DEFB131A: variants seen among roughly 807,000 people sequenced by gnomAD.
DEFB131A encodes the protein beta-defensin 131A.
Under a neutral mutation model 2.4 loss-of-function variants are expected in DEFB131A, and 5 were observed. The ratio of observed to expected loss-of-function variants is 2.12; its 90% confidence interval spans 1.11 to 4.47. DEFB131A has a LOEUF of 4.47. Among genes scored for constraint, DEFB131A ranks in the 30% most tolerant of loss-of-function variants. The pLI is 0.00. For missense variants in DEFB131A, 120 were observed against 79.9 expected, an observed-to-expected ratio of 1.50 and a Z score of -1.91; for synonymous variants, 34 against 25.7, an observed-to-expected ratio of 1.32 and a Z score of -0.97.
chr4:9,445,310 A>C (rs1172734650), intron 1 of DEFB131A, among the ~76,000 whole-genome samples: 1 of 152,014 alleles, frequency 6.6e-6, no homozygotes, highest in Non-Finnish European at 1.5e-5. Context: ...TGTTCCTTTA[A>C]AGTTGAATAA....
At chr4:9,445,122 G>A (rs1485006181) in intron 1 of DEFB131A, among the ~76,000 whole-genome samples, 3 of 152,120 alleles carry the variant, frequency 2.0e-5, no homozygotes, top group Non-Finnish European at 2.9e-5. Flanking sequence ...TGAGAGTTAT[G>A]TTTGATCAAA....
rs775754854 is a variant in DEFB131A, at chr4:9,450,443, A to G, written c.142A>G (p.Arg48Gly). 38 of 1,610,858 alleles carry G rather than the reference A, an allele frequency of 2.4e-5. No individual in the cohort carries two copies. The highest frequency in any genetic ancestry group is 3.1e-5 in the Non-Finnish European group (37 of 1,179,222). ...LKCNADEHAI[R>G]YCADFSICCK... ...GTGCAATGCTGATGAACATGCAATT[A>G]GATACTGTGCTGACTTCAGCATCTG... Residue 48 changes from arginine (R) to glycine (G), a missense_variant, in exon 2 of 2, where the codon AGA becomes GGA. Arg to Gly is a moderately radical substitution (Grantham distance 125). Coordinates refer to ENST00000334879, the MANE Select transcript of DEFB131A (RefSeq NM_001040448.3).
chr4:9,444,439 A>G lies in DEFB131A; in HGVS notation c.-95A>G. On this transcript the variant is annotated 5_prime_UTR_variant, in exon 1 of 2. Coordinates refer to ENST00000334879, the MANE Select transcript of DEFB131A (RefSeq NM_001040448.3). The stretch of plus-strand genomic sequence containing the variant: ...CTTGCTCCTGAAAGGTTCAATAATC[A>G]CTCAACAACTCACCTCTTCAGAGAA... 7.2e-7 allele frequency: 1 copy of G among 1,393,274 alleles called. No individual in the cohort carries two copies. The highest frequency in any genetic ancestry group is 9.9e-7 in the Non-Finnish European group (1 of 1,006,156). 86.3% of individuals were successfully genotyped at this position (1,393,274 alleles called of 1,614,324 possible). A position where few individuals can be genotyped will look rare whatever the true frequency, so the allele number is the denominator to read the frequency against.
intron 1 of DEFB131A, among the ~76,000 whole-genome samples, chr4:9,448,373 C>A (rs779188530): frequency 2.0e-5 from 3 of 151,878 alleles, no homozygotes; most frequent in Non-Finnish European, 4.4e-5. Context: ...TTTTTTTAGA[C>A]AGTCTCACTT....
intron 1 of DEFB131A, among the ~76,000 whole-genome samples, chr4:9,448,170 C>CA (rs60855138): frequency 3.5e-5 from 5 of 144,290 alleles, no homozygotes; most frequent in African/African-American, 7.6e-5. Context: ...AAATCAAAGA[C>CA]AAAAAAAAAA....
chr4:9,445,146 A>T (rs942943368), intron 1 of DEFB131A, among the ~76,000 whole-genome samples: 1 of 152,108 alleles, frequency 6.6e-6, no homozygotes, highest in African/African-American at 2.4e-5. Flanking sequence ...TGGTGAGAGG[A>T]TACACACAGA....
chr4:9,450,173 C>T (rs539534412), intron 1 of DEFB131A, among the ~76,000 whole-genome samples, 187 bp from the exon 2 acceptor site: 1 of 152,196 alleles, frequency 6.6e-6, no homozygotes, highest in Non-Finnish European at 1.5e-5. Flanking sequence ...TATCTACTCT[C>T]TTTATAGAAG....
At position 9,444,492 on chromosome 4, in the gene DEFB131A, C is replaced by T. The variant is rs747715945; in HGVS notation, c.-42C>T. ...GAATGTACACAGAAGTCCTCTTCATCTCAGCTACTGATTCTCTCTAACCTG... is the reference window on the plus strand; with the variant it reads ...GAATGTACACAGAAGTCCTCTTCATTTCAGCTACTGATTCTCTCTAACCTG... On this transcript the variant is annotated 5_prime_UTR_variant, in exon 1 of 2. Transcript: ENST00000334879. 1.2e-5 allele frequency: 19 copies of T among 1,604,242 alleles called. No individual in the cohort carries two copies. In the Admixed American group the frequency reaches 3.2e-4, roughly 27 times the overall value.
intron 1 of DEFB131A, among the ~76,000 whole-genome samples, chr4:9,445,847 C>G (rs548689238): frequency 2.3e-4 from 35 of 152,250 alleles, no homozygotes; most frequent in African/African-American, 8.4e-4. Context: ...CAGTCCCTAG[C>G]AACCACTGAT....
At chr4:9,447,032 A>C (rs1426660451) in intron 1 of DEFB131A, among the ~76,000 whole-genome samples, 1 of 152,112 alleles carries the variant, frequency 6.6e-6, no homozygotes, top group Non-Finnish European at 1.5e-5. Context: ...AGAATGTTCT[A>C]TGTGATGAGG....
At chr4:9,448,973 C>T (rs1717578522) in intron 1 of DEFB131A, among the ~76,000 whole-genome samples, 2 of 151,946 alleles carry the variant, frequency 1.3e-5, no homozygotes, top group African/African-American at 4.8e-5. Flanking sequence ...ATTATTACAA[C>T]TAATAACAAA....
At position 9,446,168 on chromosome 4, in the gene DEFB131A, G is replaced by T. The variant is rs184627192; in HGVS notation, c.58+1577G>T. Among the ~76,000 whole-genome samples, 283 of 152,110 alleles carry T rather than the reference G, an allele frequency of 1.9e-3. No homozygotes were observed. The East Asian group carries it at 0.029, about 15-fold the overall frequency. ...TATAATTCTGTATAATTATATAAATGATAGAATCTTGAAATAAATTTTAAA... is the reference window on the plus strand; with the variant it reads ...TATAATTCTGTATAATTATATAAATTATAGAATCTTGAAATAAATTTTAAA... On this transcript the variant is annotated intron_variant, in intron 1 of 1. Transcript: ENST00000334879.
At position 9,450,621 on chromosome 4, in the gene DEFB131A, T is replaced by G; in HGVS notation, c.*107T>G. On this transcript the variant is annotated 3_prime_UTR_variant, in exon 2 of 2. Coordinates refer to ENST00000334879, the MANE Select transcript of DEFB131A (RefSeq NM_001040448.3). Reference sequence around the variant, plus strand: ...GATGAAAATTATTATAATTGCATGTTTAGATGGTCAGGTGAAAATGAATAT... The same window carrying G: ...GATGAAAATTATTATAATTGCATGTGTAGATGGTCAGGTGAAAATGAATAT... The G allele has an allele frequency of 7.1e-7, 1 of 1,417,938 alleles. No individual in the cohort carries two copies. The highest frequency in any genetic ancestry group is 9.6e-7 in the Non-Finnish European group (1 of 1,045,646). 87.8% of individuals were successfully genotyped at this position (1,417,938 alleles called of 1,614,324 possible).
Position 9,450,493 on chromosome 4 carries a change from T to A in DEFB131A, c.192T>A (p.Ile64=), listed in dbSNP as rs371771385. The A allele has an allele frequency of 4.3e-6, 7 of 1,610,152 alleles. No homozygotes were observed. The highest frequency in any genetic ancestry group is 5.9e-6 in the Non-Finnish European group (7 of 1,179,054). Residue 64 remains isoleucine, a synonymous_variant, in exon 2 of 2, where the codon ATT becomes ATA. Coordinates refer to ENST00000334879, the MANE Select transcript of DEFB131A (RefSeq NM_001040448.3). ...GCTGCAAACTGAAGATCATTGAAAT[T>A]GACGGACAAAAGAAGTGGTGAAAAT... ...SICCKLKIIE[I]DGQKKW
intron 1 of DEFB131A, among the ~76,000 whole-genome samples, chr4:9,446,433 G>A (rs115753392): frequency 0.12 from 18,043 of 151,862 alleles, 1,105 homozygotes; most frequent in Admixed American, 0.19. Context: ...TATATCAGTT[G>A]TAATGTCTCC....
intron 1 of DEFB131A, among the ~76,000 whole-genome samples, chr4:9,445,631 T>A (rs1237124000): frequency 1.3e-5 from 2 of 151,894 alleles, no homozygotes; most frequent in South Asian, 4.2e-4. Flanking sequence ...GATTCCCTTA[T>A]TTATATAATT....
chr4:9,447,775 G>C (rs1717540509), intron 1 of DEFB131A, among the ~76,000 whole-genome samples: 6 of 151,810 alleles, frequency 4.0e-5, no homozygotes, highest in Admixed American at 2.0e-4. Flanking sequence ...ACTAAAGATT[G>C]GGACTTCAAC....
intron 1 of DEFB131A, among the ~76,000 whole-genome samples, chr4:9,445,237 C>T (rs993262778): frequency 3.3e-5 from 5 of 152,082 alleles, no homozygotes; most frequent in Admixed American, 3.3e-4. Context: ...GGTGGATACT[C>T]CACCATAATC....
chr4:9,448,737 C>T (rs1005646281), intron 1 of DEFB131A, among the ~76,000 whole-genome samples: 26 of 152,152 alleles, frequency 1.7e-4, no homozygotes, highest in African/African-American at 5.8e-4. Context: ...CGCTCATACT[C>T]AATGGTGAAA....
Sources: gnomAD v4.1 joint callset for allele counts (sites outside exome capture counted in the v4.1 genomes callset) on GRCh38, gnomAD v4.1.1 for gene constraint, MANE v1.5 for transcripts, NCBI Gene and HGNC (gene_info 2026-07-23, HGNC 2026-07-21) for gene names.